The following MGAT5 variants were observed in gnomAD, a reference collection of about 807,000 sequenced individuals.
The protein encoded by MGAT5 is alpha-1,6-mannosylglycoprotein 6-beta-N-acetylglucosaminyltransferase A.
A neutral mutation model predicts 94.3 loss-of-function variants in MGAT5; 30 were observed. That is an observed-to-expected ratio of 0.32 (90% confidence interval 0.24 to 0.43). The LOEUF is 0.43. MGAT5 is among the 20% of genes least tolerant of loss of function. MGAT5 has a pLI of 1.00. For synonymous variants in MGAT5, 310 were observed against 322.9 expected (o/e 0.96, Z 0.43); for missense variants, 691 against 905.5 (o/e 0.76, Z 3.04).
intron 9 of MGAT5, among the ~76,000 whole-genome samples, chr2:134,352,297 A>G (rs1438435184): frequency 6.6e-6 from 1 of 152,214 alleles, no homozygotes. Context: ...AACAAGAAAC[A>G]ACCCAAGTAA....
intron 15 of MGAT5, among the ~76,000 whole-genome samples, chr2:134,447,404 C>T (rs1300047722): frequency 6.6e-6 from 1 of 152,226 alleles, no homozygotes; most frequent in East Asian, 1.9e-4. Flanking sequence ...TATCCACTTA[C>T]TTAGAGCTTG....
rs113662191 is a variant in MGAT5, at chr2:134,318,826, C to T, written c.573+87C>T. ...GTCTGAAATTTGAAAAGCTTGAAAA[C>T]GTGTGGTATTTTTATGTGGAGGACC... is the stretch of plus-strand genomic sequence containing the variant. On this transcript the variant is annotated intron_variant, in intron 4 of 15. Coordinates refer to ENST00000281923, the MANE Select transcript of MGAT5 (RefSeq NM_002410.5). 1.4e-4 allele frequency: 128 copies of T among 916,906 alleles called. 1 individual carries two copies. The highest frequency in any genetic ancestry group is 7.8e-4 in the African/African-American group (47 of 60,484). The allele number at this position is 916,906 out of a possible 1,614,324, so 56.8% of individuals were successfully genotyped here. A position where few individuals can be genotyped will look rare whatever the true frequency, so the allele number is the denominator to read the frequency against.
chr2:134,171,575 C>T (rs896376367), intron 1 of MGAT5, among the ~76,000 whole-genome samples: 2 of 152,162 alleles, frequency 1.3e-5, no homozygotes, highest in Admixed American at 1.3e-4. Context: ...GGGCCGCCCA[C>T]CTAGCTATTT....
chr2:134,350,064 C>A (rs1679273726), intron 9 of MGAT5, 126 bp downstream of exon 9: 1 of 1,045,518 alleles, frequency 9.6e-7, no homozygotes, highest in African/African-American at 1.7e-5. Context: ...GCTGTTGAAC[C>A]TTTTCCTTGG....
intron 1 of MGAT5, among the ~76,000 whole-genome samples, chr2:134,263,137 G>C (rs1392259969): frequency 6.6e-6 from 1 of 152,104 alleles, no homozygotes; most frequent in African/African-American, 2.4e-5. Context: ...GCATCAGGTG[G>C]GGGACAATGG....
chr2:134,221,194 G>A (rs1402674233), intron 1 of MGAT5, among the ~76,000 whole-genome samples: 1 of 152,210 alleles, frequency 6.6e-6, no homozygotes, highest in Non-Finnish European at 1.5e-5. Context: ...TGCCGAAGGT[G>A]GTTGGGGTAC....
At chr2:134,331,642 G>A (rs1687982303) in intron 4 of MGAT5, among the ~76,000 whole-genome samples, 1 of 152,016 alleles carries the variant, frequency 6.6e-6, no homozygotes. Context: ...GGGAGGCAGG[G>A]TACCCAGTGT....
intron 10 of MGAT5, among the ~76,000 whole-genome samples, chr2:134,378,685 G>A (rs1238847430): frequency 1.4e-5 from 2 of 146,372 alleles, no homozygotes; most frequent in African/African-American, 2.5e-5. Flanking sequence ...GCATGATCTC[G>A]GCTCACTGCC....
chr2:134,389,509 A>C (rs1388274871), intron 10 of MGAT5, among the ~76,000 whole-genome samples: 1 of 152,074 alleles, frequency 6.6e-6, no homozygotes. Flanking sequence ...GCTACTCCAT[A>C]TGCTTTCCCA....
At chr2:134,228,750 C>G (rs1681196735) in intron 1 of MGAT5, among the ~76,000 whole-genome samples, 2 of 152,156 alleles carry the variant, frequency 1.3e-5, no homozygotes, top group Non-Finnish European at 2.9e-5. Flanking sequence ...CTGGCACCCC[C>G]TTGGGGTGTC....
rs188721832 is a variant in MGAT5, at chr2:134,364,871, G to A, written c.1380+2463G>A. Among the ~76,000 whole-genome samples, 12 of 152,328 alleles carry A rather than the reference G, an allele frequency of 7.9e-5. No individual in the cohort carries two copies. In the South Asian group the frequency reaches 1.9e-3, roughly 24 times the overall value. ...TAGTTTCTTTTTCCAAAGCTTGTGC[G>A]TCCTGGAGTATTTAGTGAATGCACA... On this transcript the variant is annotated intron_variant, in intron 10 of 15. Transcript: ENST00000281923.
chr2:134,381,330 CA>C (rs1681530015), intron 10 of MGAT5, among the ~76,000 whole-genome samples: 6 of 67,866 alleles, frequency 8.8e-5, no homozygotes, highest in South Asian at 7.1e-4. Context: ...AGACCTGTCT[CA>C]TAGATAGATA....
At chr2:134,152,358 C>T (rs1199201580) in intron 1 of MGAT5, among the ~76,000 whole-genome samples, 14 of 141,196 alleles carry the variant, frequency 9.9e-5, no homozygotes, top group Admixed American at 3.5e-4. Context: ...ACCTCACTCA[C>T]GCCCTATGGG....
intron 1 of MGAT5, among the ~76,000 whole-genome samples, chr2:134,215,348 TATAAA>T (rs1478787453): frequency 1.3e-5 from 2 of 152,164 alleles, no homozygotes; most frequent in African/African-American, 4.8e-5. Flanking sequence ...CTGGATAGCT[TATAAA>T]GAAAAGAGGT....
intron 1 of MGAT5, among the ~76,000 whole-genome samples, chr2:134,198,555 C>T (rs57584815): frequency 0.049 from 7,443 of 152,224 alleles, 425 homozygotes; most frequent in African/African-American, 0.12. Context: ...GCTGGAATTC[C>T]GTTGGTGTAG....
intron 9 of MGAT5, among the ~76,000 whole-genome samples, chr2:134,361,978 C>T (rs571757573): frequency 6.6e-6 from 1 of 152,116 alleles, no homozygotes; most frequent in Non-Finnish European, 1.5e-5. Flanking sequence ...TAGCCTTATT[C>T]TGAGGCAACA....
chr2:134,219,232 G>A (rs911111269), intron 1 of MGAT5, among the ~76,000 whole-genome samples: 4 of 152,152 alleles, frequency 2.6e-5, no homozygotes, highest in Non-Finnish European at 4.4e-5. Context: ...CAAGAAGAGA[G>A]CACATGTGGC....
intron 2 of MGAT5, among the ~76,000 whole-genome samples, chr2:134,297,797 A>G (rs996858178): frequency 4.6e-5 from 7 of 151,956 alleles, no homozygotes; most frequent in African/African-American, 1.7e-4. Context: ...AAGGCTGTTC[A>G]CTCTTGCCAC....
At chr2:134,184,357 G>A (rs1451014603) in intron 1 of MGAT5, among the ~76,000 whole-genome samples, 1 of 152,164 alleles carries the variant, frequency 6.6e-6, no homozygotes, top group African/African-American at 2.4e-5. Flanking sequence ...CTCCCTGCCT[G>A]TCTTTACATT....
Sources: allele counts gnomAD v4.1 joint callset (sites outside exome capture counted in the v4.1 genomes callset), GRCh38; gene constraint gnomAD v4.1.1; transcripts MANE v1.5; gene names NCBI Gene and HGNC (gene_info 2026-07-23, HGNC 2026-07-21).